Variants in WDR86 observed in about 807,000 individuals in gnomAD.
WDR86 encodes WD repeat domain 86.
A neutral mutation model predicts 36.5 loss-of-function variants in WDR86; 30 were observed. The ratio of observed to expected loss-of-function variants is 0.82; its 90% CI spans 0.61 to 1.11. WDR86 has a LOEUF of 1.11. WDR86 is among the 50% of genes most tolerant of loss of function. The pLI is 0.00. For missense variants in WDR86, 545 were observed against 561.2 expected, an observed-to-expected ratio of 0.97 and a Z score of 0.29; for synonymous variants, 255 against 252.9, an observed-to-expected ratio of 1.01 and a Z score of -0.08.
rs190826451 is a variant in WDR86 at position 151,405,088 on chromosome 7, G to C, written c.163+4339C>G. 6.6e-6 allele frequency among the ~76,000 whole-genome samples: 1 copy of C among 152,316 alleles called. No individual in the cohort carries two copies. The highest frequency in any genetic ancestry group is 2.4e-5 in the African/African-American group (1 of 41,578). Reference sequence around the variant, plus strand: ...TGGGGGAGGCCCCACTGAGCCTGCTGTCCAGGACTGAGCCTTCCTCTGCTC... The same window carrying C: ...TGGGGGAGGCCCCACTGAGCCTGCTCTCCAGGACTGAGCCTTCCTCTGCTC... On this transcript the variant is annotated intron_variant, in intron 1 of 5. Coordinates refer to ENST00000334493, the MANE Select transcript of WDR86 (RefSeq NM_198285.3). This position sits in a 1 kb window ranked among gnomAD's most constrained non-coding sequence, Gnocchi z 4.7.
intron 4 of WDR86, among the ~76,000 whole-genome samples, chr7:151,383,185 G>A (rs1225312798): frequency 1.3e-5 from 2 of 148,662 alleles, no homozygotes; most frequent in Admixed American, 6.7e-5. Context: ...GGGTGGGGGG[G>A]GGGAGCTGGG....
Position 151,381,701 on chromosome 7 carries a change from G to T in WDR86, c.1012C>A (p.Arg338Ser). 1 of 1,489,306 alleles carries T rather than the reference G, an allele frequency of 6.7e-7. No individual in the cohort carries two copies. The allele number at this position is 1,489,306 out of a possible 1,614,324, so 92.3% of individuals were successfully genotyped here. A position where few individuals can be genotyped will look rare whatever the true frequency, so the allele number is the denominator to read the frequency against. Residue 338 changes from arginine (R) to serine (S), a missense_variant, in exon 6 of 6, where the codon CGC (arginine) becomes AGC (serine). By Grantham distance (110) the Arg-to-Ser change is moderately radical. Transcript: ENST00000334493. This position sits in a 1 kb window ranked among gnomAD's most constrained non-coding sequence, Gnocchi z 4.8. ...LYTASHDGAL[R>S]LWDVRGLRGA... is the part of the protein sequence containing the mutation. ...CGGAGCCCGCGCACGTCCCAGAGGC[G>T]CAGGGCGCCGTCGTGCGAGGCGGTG...
chr7:151,371,554 G>C (rs370674897), downstream of WDR86, among the ~76,000 whole-genome samples: 26 of 152,250 alleles, frequency 1.7e-4, no homozygotes, highest in East Asian at 3.5e-3. Context: ...GCCCATTCAG[G>C]GGCCACCTGG....
Position 151,409,684 on chromosome 7 carries a change from G to T in WDR86, c.-95C>A. The T allele has an allele frequency of 1.5e-6, 2 of 1,291,986 alleles. No homozygotes were observed. Among genetic ancestry groups the T allele is most frequent in the Non-Finnish European group, 9.8e-7 (1 of 1,023,076 alleles). 80.0% of individuals were successfully genotyped at this position (1,291,986 alleles called of 1,614,324 possible). On this transcript the variant is annotated 5_prime_UTR_variant, in exon 1 of 6. Transcript: ENST00000334493. This position sits in a 1 kb window ranked among gnomAD's most constrained non-coding sequence, Gnocchi z 5.2. The stretch of plus-strand genomic sequence containing the variant: ...GCGGCTCCGTACGACTGCGGCCCGC[G>T]GCCATCGCGGGGAACGGGGAGCCCG...
Position 151,400,124 on chromosome 7 carries a change from C to A in WDR86, c.281G>T (p.Arg94Leu), listed in dbSNP as rs757842380. Residue 94 changes from arginine (R) to leucine (L), a missense_variant, in exon 2 of 6, where the codon CGA (arginine) becomes CTA (leucine). By Grantham distance (102) the Arg-to-Leu change is moderately radical. Transcript: ENST00000334493. The part of the protein sequence containing the change: ...VLTGQCLQVY[R>L]GHTSIVNRIL... ...CCTGTTCACGATGGACGTGTGTCCT[C>A]GGTACACCTGCAGACACTGCCCGGT... 5 of 1,608,160 alleles carry A rather than the reference C, an allele frequency of 3.1e-6. No homozygotes were observed. In the South Asian group the frequency reaches 4.5e-5, roughly 14 times the overall value.
At chr7:151,407,841 C>CA (rs1435236646) in intron 1 of WDR86, among the ~76,000 whole-genome samples, 2 of 152,000 alleles carry the variant, frequency 1.3e-5, no homozygotes, top group Non-Finnish European at 2.9e-5. Context: ...AACTCCATCT[C>CA]AAAAAACAAC....
In WDR86 at chr7:151,405,372, C is replaced by A. The variant is rs944961292; in HGVS notation, c.163+4055G>T. 2.6e-5 allele frequency among the ~76,000 whole-genome samples: 4 copies of A among 152,166 alleles called. No individual in the cohort carries two copies. The highest frequency in any genetic ancestry group is 9.7e-5 in the African/African-American group (4 of 41,442). The stretch of plus-strand genomic sequence containing the variant: ...AGCTGTTTCCAGGATGCAGTGGCTG[C>A]GTCCCCGACTCAGGCCCAGAAGAGG... On this transcript the variant is annotated intron_variant, in intron 1 of 5. Coordinates refer to ENST00000334493, the MANE Select transcript of WDR86 (RefSeq NM_198285.3). The surrounding 1 kb of genome is among the most constrained non-coding windows in gnomAD (Gnocchi z 4.7).
At chr7:151,384,766 G>T (rs893455404) in intron 4 of WDR86, among the ~76,000 whole-genome samples, 1 of 152,226 alleles carries the variant, frequency 6.6e-6, no homozygotes, top group Non-Finnish European at 1.5e-5. Context: ...CTCGAGGCTG[G>T]CAGGATTAAG....
intron 1 of WDR86, among the ~76,000 whole-genome samples, chr7:151,404,791 CT>C (rs781701652): frequency 9.9e-5 from 15 of 152,242 alleles, no homozygotes; most frequent in Non-Finnish European, 2.1e-4. Context: ...TGGGGACTCG[CT>C]GGAAGTTTCA....
At position 151,395,834 on chromosome 7, in the gene WDR86, A is replaced by G. The variant is rs894590635; in HGVS notation, c.668T>C (p.Leu223Pro). 6.3e-7 allele frequency: 1 copy of G among 1,582,688 alleles called. No individual in the cohort carries two copies. Among genetic ancestry groups the G allele is most frequent in the Non-Finnish European group, 8.6e-7 (1 of 1,166,326 alleles). ...GAACACCCGCAGCTGCTCCCCACTCAGGATGTCCCAGGCACGGATGGTGGC... is the reference window on the plus strand; with the variant it reads ...GAACACCCGCAGCTGCTCCCCACTCGGGATGTCCCAGGCACGGATGGTGGC... ...TDATIRAWDI[L>P]SGEQLRVFRE... The change falls in exon 3 of 6, where the codon CTG becomes CCG. Residue 223 changes from leucine (L) to proline (P), a missense_variant. Leu to Pro is a moderately conservative substitution (Grantham distance 98). Coordinates refer to ENST00000334493, the MANE Select transcript of WDR86 (RefSeq NM_198285.3).
In WDR86 at chr7:151,381,924, A is replaced by C. The variant is rs1180841524; in HGVS notation, c.920T>G (p.Leu307Arg). The C allele has an allele frequency of 1.2e-6, 2 of 1,610,234 alleles. No homozygotes were observed. Among genetic ancestry groups the C allele is most frequent in the South Asian group, 1.1e-5 (1 of 90,634 alleles). ...TGTGTGGCCCCGGAACACCCTCCGC[A>C]GCTCTCCAGACTGCGCGTCGAAGGC... is the stretch of plus-strand genomic sequence containing the variant. ...ARAFDAQSGE[L>R]RRVFRGHTFI... The change falls in exon 5 of 6, where the codon CTG becomes CGG. Residue 307 changes from leucine to arginine, a missense_variant. Leu to Arg is a moderately radical substitution (Grantham distance 102). Coordinates refer to ENST00000334493, the MANE Select transcript of WDR86 (RefSeq NM_198285.3). The surrounding 1 kb of genome is among the most constrained non-coding windows in gnomAD (Gnocchi z 4.8).
In WDR86 at chr7:151,409,624, GC is replaced by G. The variant is rs1801050728; in HGVS notation, c.-36del. The G allele has an allele frequency of 7.4e-7, 1 of 1,348,156 alleles. No homozygotes were observed. 83.5% of individuals were successfully genotyped at this position (1,348,156 alleles called of 1,614,324 possible). A position where few individuals can be genotyped will look rare whatever the true frequency, so the allele number is the denominator to read the frequency against. ...AGGGCGGGGAACAAGAAGGAGCTGC[GC>G]CCCGCTAGGGAGGGGCGCCCCGGGG... On this transcript the variant is annotated 5_prime_UTR_variant, in exon 1 of 6. Coordinates refer to ENST00000334493, the MANE Select transcript of WDR86 (RefSeq NM_198285.3). This position sits in a 1 kb window ranked among gnomAD's most constrained non-coding sequence, Gnocchi z 5.2.
downstream of WDR86, chr7:151,376,537 T>G: frequency 8.4e-7 from 1 of 1,189,940 alleles, no homozygotes; most frequent in Non-Finnish European, 1.2e-6. Flanking sequence ...CGCCGGGAGC[T>G]CTTAAACATG....
Position 151,381,657 on chromosome 7 carries a change from A to AG in WDR86, c.1055dup (p.Pro353SerfsTer110). On this transcript the variant is annotated frameshift_variant, in exon 6 of 6. Coordinates refer to ENST00000334493, the MANE Select transcript of WDR86 (RefSeq NM_198285.3). LOFTEE classifies it high-confidence loss of function. The surrounding 1 kb of genome is among the most constrained non-coding windows in gnomAD (Gnocchi z 4.8). ...GCCGCGAGAGGCTGCGCATGGGCGGAGGGGGCCGCGGGGCACCTCGGAGCC... is the reference window on the plus strand; with the variant it reads ...GCCGCGAGAGGCTGCGCATGGGCGGAGGGGGGCCGCGGGGCACCTCGGAGCC... 7.1e-7 allele frequency: 1 copy of AG among 1,399,304 alleles called. No homozygotes were observed. The highest frequency in any genetic ancestry group is 9.2e-7 in the Non-Finnish European group (1 of 1,088,246). 86.7% of individuals were successfully genotyped at this position (1,399,304 alleles called of 1,614,324 possible). A position where few individuals can be genotyped will look rare whatever the true frequency, so the allele number is the denominator to read the frequency against.
chr7:151,377,051 C>T, downstream of WDR86: 4 of 1,551,126 alleles, frequency 2.6e-6, no homozygotes, highest in Non-Finnish European at 3.5e-6. Flanking sequence ...TTGTAGGAAC[C>T]TCTAGTGCCT....
chr7:151,395,790 C>G lies in WDR86; in HGVS notation c.712G>C (p.Val238Leu), dbSNP rs531632420. The G allele has an allele frequency of 8.3e-6, 13 of 1,559,284 alleles. No individual in the cohort carries two copies. Among genetic ancestry groups the G allele is most frequent in the Non-Finnish European group, 1.1e-5 (13 of 1,153,774 alleles). The change falls in exon 3 of 6, where the codon GTC becomes CTC. Residue 238 changes from valine to leucine, a missense_variant. Val to Leu is a conservative substitution (Grantham distance 32). Transcript: ENST00000334493. ...GACAGTCTCACCTCCAGACAGATGA[C>G]GGAGCCCCGGTGCTCCCGGAACACC... The part of the protein sequence containing the change: ...LRVFREHRGS[V>L]ICLELVNRLV...
intron 3 of WDR86, among the ~76,000 whole-genome samples, chr7:151,392,114 G>A (rs1341123974): frequency 5.9e-5 from 9 of 152,162 alleles, no homozygotes; most frequent in Non-Finnish European, 1.2e-4. Flanking sequence ...CAGCTGAGAC[G>A]CAACAGCCAG....
intron 4 of WDR86, among the ~76,000 whole-genome samples, chr7:151,382,221 C>T (rs908067850): frequency 6.6e-6 from 1 of 152,226 alleles, no homozygotes; most frequent in Non-Finnish European, 1.5e-5. Context: ...GAACACCGCC[C>T]GGGCCCAGTC....
chr7:151,372,243 C>T (rs78640108), downstream of WDR86, among the ~76,000 whole-genome samples: 6,947 of 152,338 alleles, frequency 0.046, 222 homozygotes, highest in Non-Finnish European at 0.07. Context: ...CAGTGCAGTA[C>T]TCACTGTCAT....
Sources: gnomAD v4.1 joint callset for allele counts (sites outside exome capture counted in the v4.1 genomes callset) on GRCh38, gnomAD v4.1.1 for gene constraint, Gnocchi (gnomAD v3.1) non-coding constraint, MANE v1.5 for transcripts, NCBI Gene and HGNC (gene_info 2026-07-23, HGNC 2026-07-21) for gene names.